SEC31A: variants seen among roughly 807,000 people sequenced by gnomAD.
SEC31A encodes protein transport protein Sec31A.
Under a neutral mutation model 151.0 loss-of-function variants are expected in SEC31A, and 70 were observed. The ratio of observed to expected loss-of-function variants is 0.46; its 90% CI spans 0.38 to 0.57. The LOEUF (loss-of-function observed/expected upper bound fraction) is 0.57. Ranked by LOEUF, SEC31A falls within the 20% of genes least tolerant of loss-of-function variation. The pLI, the probability that SEC31A is intolerant of heterozygous loss-of-function variation, is 0.00. For synonymous variants in SEC31A, 475 were observed against 505.9 expected, an observed-to-expected ratio of 0.94 and a Z score of 0.82; for missense variants, 1,330 against 1,471.2, an observed-to-expected ratio of 0.90 and a Z score of 1.57.
intron 3 of SEC31A, among the ~76,000 whole-genome samples, chr4:82,897,415 A>G (rs1039576528): frequency 6.6e-6 from 1 of 152,232 alleles, no homozygotes; most frequent in Non-Finnish European, 1.5e-5. Flanking sequence ...GTAGGTCCTC[A>G]ACAAGCAAGA....
intron 9 of SEC31A, 34 bp downstream of exon 9, chr4:82,867,121 C>T (rs1467788846): frequency 6.3e-7 from 1 of 1,585,544 alleles, no homozygotes; most frequent in Non-Finnish European, 8.6e-7. Context: ...TTTTTTCAGG[C>T]ATTATAATAG....
upstream of SEC31A, chr4:82,893,683 T>C (rs1236963128): frequency 6.6e-6 from 1 of 152,214 alleles, no homozygotes; most frequent in Non-Finnish European, 1.5e-5. Flanking sequence ...TCACAGAATT[T>C]TTCCCCTTTA....
At position 82,818,915 on chromosome 4, in the gene SEC31A, G is replaced by A. The variant is rs1190767427; in HGVS notation, c.*159C>T. The A allele has an allele frequency of 1.1e-5, 5 of 447,694 alleles. No homozygotes were observed. Among genetic ancestry groups the A allele is most frequent in the Non-Finnish European group, 1.9e-5 (5 of 262,182 alleles). The allele number at this position is 447,694 out of a possible 1,614,324, so 27.7% of individuals were successfully genotyped here. On this transcript the variant is annotated 3_prime_UTR_variant, in exon 27 of 27. Transcript: ENST00000395310. ...CAAAAATAAAGCACCAGGGTTCTGAGCAGTTCTAAGGTGAGTATATCAGCA... is the reference window on the plus strand; with the variant it reads ...CAAAAATAAAGCACCAGGGTTCTGAACAGTTCTAAGGTGAGTATATCAGCA...
At chr4:82,852,036 T>A (rs2149361864) in intron 18 of SEC31A, among the ~76,000 whole-genome samples, 1 of 152,316 alleles carries the variant, frequency 6.6e-6, no homozygotes, top group Middle Eastern at 3.4e-3. Context: ...TCCCCATGTG[T>A]CATGGGAGAA....
At chr4:82,828,485 T>A (rs1725124269) in intron 23 of SEC31A, among the ~76,000 whole-genome samples, 1 of 151,922 alleles carries the variant, frequency 6.6e-6, no homozygotes, top group Non-Finnish European at 1.5e-5. Context: ...GGAATTTTTT[T>A]AAAAGTAAAA....
chr4:82,872,029 A>C lies in SEC31A; in HGVS notation c.697T>G (p.Ser233Ala), dbSNP rs1560649531. The C allele has an allele frequency of 2.5e-6, 4 of 1,614,134 alleles. No individual in the cohort carries two copies. Among genetic ancestry groups the C allele is most frequent in the Non-Finnish European group, 3.4e-6 (4 of 1,179,984 alleles). ...ATCACTGGTAACCGGTCATCCTCGG[A>C]GGCAAGGACCATCTGAGTAGCAACA... ...PDVATQMVLA[S>A]EDDRLPVIQM... is the part of the protein sequence containing the mutation. The change falls in exon 7 of 27, where the codon TCC (serine) becomes GCC (alanine). Residue 233 changes from serine to alanine, a missense_variant. Transcript: ENST00000395310.
At chr4:82,824,814 A>G in intron 24 of SEC31A, 140 bp from the exon 25 acceptor site, 1 of 920,724 alleles carries the variant, frequency 1.1e-6, no homozygotes. Context: ...TAATGTGTGA[A>G]ATCACTTACG....
chr4:82,867,247 C>G lies in SEC31A; in HGVS notation c.952G>C (p.Val318Leu). 1 of 1,614,134 alleles carries G rather than the reference C, an allele frequency of 6.2e-7. No homozygotes were observed. Among genetic ancestry groups the G allele is most frequent in the Non-Finnish European group, 8.5e-7 (1 of 1,179,990 alleles). ...DIQWCPRNPA[V>L]LSAASFDGRI... ...CCATCAAACGAAGCAGCTGATAAGA[C>G]AGCAGGATTTCGGGGACACCACTGA... Residue 318 changes from valine (V) to leucine (L), a missense_variant, in exon 9 of 27, where the codon GTC becomes CTC. Physicochemically the swap from Val to Leu is conservative, Grantham distance 32. Coordinates refer to ENST00000395310, the MANE Select transcript of SEC31A (RefSeq NM_001077207.4).
intron 3 of SEC31A, 76 bp from the exon 4 acceptor site, chr4:82,879,004 T>TA: frequency 9.4e-6 from 10 of 1,065,058 alleles, no homozygotes; most frequent in Non-Finnish European, 1.4e-5. Context: ...ATTATACACT[T>TA]AATTTTTAAT....
In SEC31A at chr4:82,827,448, C is replaced by T; in HGVS notation, c.3212G>A (p.Gly1071Asp). ...QPFHGVQQPL[G>D]QTGMPPSFSK... ...AAAAGATGGTGGCATGCCTGTTTGA[C>T]CAAGAGGTTGCTGTACGCCATGGAA... Residue 1071 changes from glycine (G) to aspartate (D), a missense_variant, in exon 24 of 27, where the codon GGT becomes GAT. By Grantham distance (94) the Gly-to-Asp change is moderately conservative. Coordinates refer to ENST00000395310, the MANE Select transcript of SEC31A (RefSeq NM_001077207.4). 1.2e-6 allele frequency: 2 copies of T among 1,614,190 alleles called. No homozygotes were observed. Among genetic ancestry groups the T allele is most frequent in the East Asian group, 2.2e-5 (1 of 44,888 alleles).
At chr4:82,844,212 A>G (rs543322094) in intron 21 of SEC31A, 174 bp downstream of exon 21, 1 of 600,134 alleles carries the variant, frequency 1.7e-6, no homozygotes, top group African/African-American at 1.9e-5. Context: ...TTCCTAGCAT[A>G]GTGATTCAGG....
intron 23 of SEC31A, among the ~76,000 whole-genome samples, chr4:82,828,258 G>C (rs1725076790): frequency 6.6e-6 from 1 of 152,130 alleles, no homozygotes; most frequent in Non-Finnish European, 1.5e-5. Flanking sequence ...TGGAATCAGA[G>C]GTGCCAAGTA....
intron 14 of SEC31A, chr4:82,858,059 C>G (rs565216625): frequency 4.4e-6 from 1 of 229,094 alleles, no homozygotes; most frequent in East Asian, 1.3e-4. Flanking sequence ...AGGCAGATCA[C>G]TCGAGGTCAG....
intron 1 of SEC31A, among the ~76,000 whole-genome samples, chr4:82,884,333 C>T (rs1165029062): frequency 6.6e-6 from 1 of 151,846 alleles, no homozygotes; most frequent in Non-Finnish European, 1.5e-5. Flanking sequence ...TATCTTTTGA[C>T]TTTGCTTTTT....
At chr4:82,860,458 A>C (rs906209301) in intron 14 of SEC31A, among the ~76,000 whole-genome samples, 2 of 152,232 alleles carry the variant, frequency 1.3e-5, no homozygotes, top group Middle Eastern at 6.8e-3. Flanking sequence ...AATTCTGTCT[A>C]AATATTCTCA....
At chr4:82,827,726 C>T (rs1049184652) in intron 23 of SEC31A, 94 bp from the exon 24 acceptor site, 38 of 1,273,974 alleles carry the variant, frequency 3.0e-5, no homozygotes, top group South Asian at 7.3e-5. Context: ...GGTTATACCA[C>T]GGCTAAACAA....
chr4:82,854,796 G>T, intron 17 of SEC31A, 107 bp downstream of exon 17: 1 of 1,166,090 alleles, frequency 8.6e-7, no homozygotes, highest in Admixed American at 3.1e-5. Flanking sequence ...TCTTTTTTGT[G>T]ATTTGTAGAT....
intron 26 of SEC31A, 36 bp downstream of exon 26, chr4:82,821,001 A>C (rs1339950418): frequency 6.4e-7 from 1 of 1,557,386 alleles, no homozygotes; most frequent in Non-Finnish European, 8.8e-7. Flanking sequence ...ACTAGGAATA[A>C]ATGATTATCA....
chr4:82,874,695 T>C lies in SEC31A; in HGVS notation c.555A>G (p.Ala185=). The C allele has an allele frequency of 6.2e-7, 1 of 1,613,362 alleles. No individual in the cohort carries two copies. Among genetic ancestry groups the C allele is most frequent in the Non-Finnish European group, 8.5e-7 (1 of 1,179,900 alleles). ...TGGCCCGGCCACTGGGACTGGCTGA[T>C]GCTAAAATATGCTGAACTTGTCTGT... ...AWNRQVQHIL[A]SASPSGRATV... is the part of the protein sequence containing the mutation. Residue 185 remains alanine, a synonymous_variant, in exon 6 of 27, where the codon GCA becomes GCG. Coordinates refer to ENST00000395310, the MANE Select transcript of SEC31A (RefSeq NM_001077207.4).
Sources: gnomAD v4.1 joint callset for allele counts (sites outside exome capture counted in the v4.1 genomes callset) on GRCh38, gnomAD v4.1.1 for gene constraint, MANE v1.5 for transcripts, NCBI Gene and HGNC (gene_info 2026-07-23, HGNC 2026-07-21) for gene names.